CSNK2A1: variants seen among roughly 807,000 people sequenced by gnomAD.
CSNK2A1 encodes casein kinase II subunit alpha.
A neutral mutation model predicts 62.9 loss-of-function variants in CSNK2A1; 10 were observed. The observed-to-expected ratio is 0.16, with a 90% CI of 0.10 to 0.27. The LOEUF is 0.27. Ranked by LOEUF, CSNK2A1 falls within the 10% of genes least tolerant of loss-of-function variation. The probability of loss-of-function intolerance (pLI) is 1.00; values close to 1 mark genes in which losing one functional copy is unlikely to be tolerated. For synonymous variants in CSNK2A1, 124 were observed against 167.8 expected (o/e 0.74, Z 2.02); for missense variants, 160 against 492.0 (o/e 0.33, Z 6.38).
intron 2 of CSNK2A1, among the ~76,000 whole-genome samples, chr20:522,069 T>C (rs1480375260): frequency 1.3e-5 from 2 of 152,218 alleles, no homozygotes; most frequent in Non-Finnish European, 2.9e-5. Context: ...CTGCCCGAGC[T>C]CTGCCTCCTG....
At chr20:488,910 G>T (rs752761226) in intron 10 of CSNK2A1, 132 bp from the exon 11 acceptor site, 126 of 756,768 alleles carry the variant, frequency 1.7e-4, no homozygotes, top group Non-Finnish European at 1.8e-4. Flanking sequence ...TAACAGTTTA[G>T]ACTTCAACTC....
Position 499,459 on chromosome 20 carries a change from T to C in CSNK2A1, c.316-154A>G. On this transcript the variant is annotated intron_variant, in intron 5 of 13. Transcript: ENST00000217244. The surrounding 1 kb of genome is among the most constrained non-coding windows in gnomAD (Gnocchi z 4.2). ...TTGCTACAAGCCCTCCCCGCTCTGA[T>C]CATCACCGCACTTAGGTCATTTTTG... 1.6e-6 allele frequency: 1 copy of C among 610,286 alleles called. No homozygotes were observed. The highest frequency in any genetic ancestry group is 2.8e-6 in the Non-Finnish European group (1 of 361,470). The allele number at this position is 610,286 out of a possible 1,614,324, so 37.8% of individuals were successfully genotyped here. A position where few individuals can be genotyped will look rare whatever the true frequency, so the allele number is the denominator to read the frequency against.
chr20:478,631 A>G lies in CSNK2A1; in HGVS notation c.*5330T>C, dbSNP rs908725697. 2.3e-6 allele frequency: 1 copy of G among 434,294 alleles called. No individual in the cohort carries two copies. The highest frequency in any genetic ancestry group is 2.1e-5 in the African/African-American group (1 of 47,876). 26.9% of individuals were successfully genotyped at this position (434,294 alleles called of 1,614,324 possible). ...GGAAGGGCTTCTCACATTGAGGCCA[A>G]TAAGAATCCCTAGTGGGCCAGGTGT... On this transcript the variant is annotated 3_prime_UTR_variant, in exon 14 of 14. Transcript: ENST00000217244.
intron 2 of CSNK2A1, among the ~76,000 whole-genome samples, chr20:514,678 G>A (rs886455022): frequency 2.6e-5 from 4 of 152,192 alleles, no homozygotes; most frequent in Admixed American, 2.0e-4. Context: ...CTGGACTCAA[G>A]TGATCCACCA....
intron 13 of CSNK2A1, among the ~76,000 whole-genome samples, chr20:484,694 T>TTGTGTGTGTG (rs3055006): frequency 2.0e-5 from 3 of 147,620 alleles, no homozygotes; most frequent in African/African-American, 5.0e-5. Flanking sequence ...AATCATGTTT[T>TTGTGTGTGTG]TGTGTGTGTG....
chr20:491,632 T>C (rs1439156474), intron 9 of CSNK2A1, among the ~76,000 whole-genome samples: 3 of 151,998 alleles, frequency 2.0e-5, no homozygotes, highest in Admixed American at 6.6e-5. Flanking sequence ...GATCATGGCA[T>C]TGCACTCCAG....
chr20:500,175 C>T (rs1412764414), intron 4 of CSNK2A1: 1 of 460,908 alleles, frequency 2.2e-6, no homozygotes, highest in Non-Finnish European at 3.9e-6. Context: ...GACACTTCTG[C>T]AGAATTAGCA....
At chr20:492,179 A>G (rs1158004465) in intron 9 of CSNK2A1, 75 bp downstream of exon 9, 13 of 1,272,938 alleles carry the variant, frequency 1.0e-5, no homozygotes, top group Non-Finnish European at 1.5e-5. Flanking sequence ...GCACAAAATG[A>G]TACTTTTTTT....
chr20:505,289 C>T (rs1398813203), intron 3 of CSNK2A1, 60 bp from the exon 4 acceptor site: 4 of 1,232,894 alleles, frequency 3.2e-6, no homozygotes, highest in South Asian at 1.3e-5. Context: ...ATTCAAATTA[C>T]AGGAATCTAT....
chr20:485,066 CAAAAAAAAAAAAAAAAAAAAAAAAAAAA>C (rs1157352244), intron 13 of CSNK2A1, among the ~76,000 whole-genome samples: 3 of 22,020 alleles, frequency 1.4e-4, no homozygotes, highest in African/African-American at 5.9e-4. Flanking sequence ...ACCTTGTCTC[CAAAAAAAAAAAAAAAAAAAAAAAAAAAA>C]AAAAAAAAAA....
chr20:524,941 A>T (rs1021764757), intron 2 of CSNK2A1, among the ~76,000 whole-genome samples: 7 of 149,226 alleles, frequency 4.7e-5, no homozygotes, highest in Admixed American at 4.0e-4. Flanking sequence ...CAGCAAGACT[A>T]CCATCTCTAC....
intron 13 of CSNK2A1, among the ~76,000 whole-genome samples, chr20:485,661 G>T (rs1379594364): frequency 6.6e-6 from 1 of 152,160 alleles, no homozygotes; most frequent in African/African-American, 2.4e-5. Flanking sequence ...AAGGCTACAA[G>T]TAAGTTTGGA....
chr20:528,870 A>C (rs2019152926), intron 1 of CSNK2A1, among the ~76,000 whole-genome samples: 1 of 152,208 alleles, frequency 6.6e-6, no homozygotes, highest in Admixed American at 6.5e-5. Flanking sequence ...GTGATTGGAA[A>C]ACATTCGTCT....
intron 2 of CSNK2A1, among the ~76,000 whole-genome samples, chr20:512,679 C>T (rs910738086): frequency 6.6e-6 from 1 of 152,180 alleles, no homozygotes; most frequent in African/African-American, 2.4e-5. Context: ...AATTCTCCCA[C>T]CCAAAAAACT....
At position 500,010 on chromosome 20, in the gene CSNK2A1, C is replaced by T. The variant is rs2018427952; in HGVS notation, c.214-76G>A. The stretch of plus-strand genomic sequence containing the variant: ...GAGTATTTCAACACGTAGTGTAATA[C>T]ATAAATGATAAATGGCTTACTTATG... On this transcript the variant is annotated intron_variant, in intron 4 of 13. Coordinates refer to ENST00000217244, the MANE Select transcript of CSNK2A1 (RefSeq NM_177559.3). 2.6e-6 allele frequency: 3 copies of T among 1,158,230 alleles called. No individual in the cohort carries two copies. The Admixed American group carries it at 5.9e-5, about 23-fold the overall frequency. The allele number at this position is 1,158,230 out of a possible 1,614,324, so 71.7% of individuals were successfully genotyped here. A position where few individuals can be genotyped will look rare whatever the true frequency, so the allele number is the denominator to read the frequency against.
chr20:489,653 T>C, intron 10 of CSNK2A1, 127 bp downstream of exon 10: 1 of 627,580 alleles, frequency 1.6e-6, no homozygotes, highest in Non-Finnish European at 2.5e-6. Flanking sequence ...AGCTGGTAGC[T>C]CCCGAAACAT....
chr20:497,868 G>T, intron 6 of CSNK2A1, 88 bp from the exon 7 acceptor site: 1 of 1,204,808 alleles, frequency 8.3e-7, no homozygotes, highest in Non-Finnish European at 1.2e-6. Context: ...ACCAAGACTT[G>T]GCTCATTTAC....
intron 13 of CSNK2A1, among the ~76,000 whole-genome samples, chr20:485,292 T>C (rs919508809): frequency 6.6e-6 from 1 of 151,128 alleles, no homozygotes; most frequent in Non-Finnish European, 1.5e-5. Context: ...CAAGCGATTA[T>C]CTTGCCTTAG....
At position 485,113 on chromosome 20, in the gene CSNK2A1, T is replaced by C. The variant is rs200022608; in HGVS notation, c.1061-1037A>G. Reference sequence around the variant, plus strand: ...AAAAAAAAAAAAAAAAAAAAAAATATATATATATATATATATATATATATG... The same window carrying C: ...AAAAAAAAAAAAAAAAAAAAAAATACATATATATATATATATATATATATG... On this transcript the variant is annotated intron_variant, in intron 13 of 13. Transcript: ENST00000217244. Among the ~76,000 whole-genome samples the C allele has an allele frequency of 4.8e-3, 177 of 37,158 alleles. 4 individuals carry two copies. The highest frequency in any genetic ancestry group is 7.2e-3 in the Non-Finnish European group (158 of 21,938). The allele number at this position is 37,158 out of a possible 152,430, so 24.4% of individuals were successfully genotyped here. A position where few individuals can be genotyped will look rare whatever the true frequency, so the allele number is the denominator to read the frequency against.
Sources: gnomAD v4.1 joint callset for allele counts (sites outside exome capture counted in the v4.1 genomes callset) on GRCh38, gnomAD v4.1.1 for gene constraint, Gnocchi (gnomAD v3.1) non-coding constraint, MANE v1.5 for transcripts, NCBI Gene and HGNC (gene_info 2026-07-23, HGNC 2026-07-21) for gene names.